Variants in BCAT1 observed in about 807,000 individuals in gnomAD.
BCAT1 encodes branched-chain-amino-acid aminotransferase, cytosolic.
Under a neutral mutation model 52.4 loss-of-function variants are expected in BCAT1, and 48 were observed. The ratio of observed to expected loss-of-function variants is 0.92; its 90% CI spans 0.73 to 1.16. The LOEUF (loss-of-function observed/expected upper bound fraction) is 1.16, where lower values mean the gene tolerates loss of function less well. Among genes scored for constraint, BCAT1 ranks in the 50% most tolerant of loss-of-function variants. BCAT1 has a pLI of 0.00. For missense variants in BCAT1, 451 were observed against 457.1 expected (o/e 0.99, Z 0.12); for synonymous variants, 167 against 161.3 (o/e 1.04, Z -0.27).
chr12:24,912,699 T>TAAAAAAAAAA (rs10531528), intron 1 of BCAT1, among the ~76,000 whole-genome samples: 1 of 135,498 alleles, frequency 7.4e-6, no homozygotes. Context: ...ACCCCATCTC[T>TAAAAAAAAAA]AAAAAAAAAA....
intron 1 of BCAT1, among the ~76,000 whole-genome samples, chr12:24,944,010 T>C (rs1943898098): frequency 6.6e-6 from 1 of 151,706 alleles, no homozygotes; most frequent in South Asian, 2.1e-4. Context: ...AAAAGTAGTT[T>C]GCATGGCATT....
At chr12:24,898,367 A>C (rs1230010761) in intron 2 of BCAT1, among the ~76,000 whole-genome samples, 1 of 152,276 alleles carries the variant, frequency 6.6e-6, no homozygotes, top group African/African-American at 2.4e-5. Flanking sequence ...ATGGCAAGAA[A>C]TATTGAGAAA....
chr12:24,868,475 G>C (rs1814967504), intron 5 of BCAT1, among the ~76,000 whole-genome samples: 2 of 152,140 alleles, frequency 1.3e-5, no homozygotes, highest in Non-Finnish European at 2.9e-5. Flanking sequence ...TACAGATAGA[G>C]AGCCCCAAAA....
intron 10 of BCAT1, among the ~76,000 whole-genome samples, chr12:24,823,415 C>A (rs1419955155): frequency 6.6e-6 from 1 of 152,072 alleles, no homozygotes; most frequent in African/African-American, 2.4e-5. Context: ...GAGTAAACCA[C>A]CAGTACCTAG....
upstream of BCAT1, chr12:24,949,103 G>T: frequency 1.6e-6 from 1 of 620,654 alleles, no homozygotes; most frequent in South Asian, 2.1e-5. Context: ...CTGGATTGCA[G>T]ACCGGCCCTC....
chr12:24,881,696 T>C (rs765231324), intron 3 of BCAT1, among the ~76,000 whole-genome samples: 5 of 152,160 alleles, frequency 3.3e-5, no homozygotes, highest in Admixed American at 2.6e-4. Context: ...TAGGTGTTAT[T>C]TAAGGGAGCA....
chr12:24,840,206 T>G (rs2139426597), intron 7 of BCAT1, among the ~76,000 whole-genome samples: 3 of 152,352 alleles, frequency 2.0e-5, no homozygotes, highest in African/African-American at 7.2e-5. Flanking sequence ...GTGTTTCTGG[T>G]TAAATCATGT....
At chr12:24,900,953 A>G (rs1192974574) in intron 2 of BCAT1, among the ~76,000 whole-genome samples, 1 of 152,264 alleles carries the variant, frequency 6.6e-6, no homozygotes, top group Non-Finnish European at 1.5e-5. Flanking sequence ...AGAAATTGCA[A>G]TATTCTAATT....
At chr12:24,844,147 GC>G (rs755165201) in intron 6 of BCAT1, among the ~76,000 whole-genome samples, 1 of 152,216 alleles carries the variant, frequency 6.6e-6, no homozygotes, top group African/African-American at 2.4e-5. Flanking sequence ...TCATTTCCAG[GC>G]CGGGCACGGT....
At chr12:24,907,750 A>G (rs1252702907) in intron 1 of BCAT1, among the ~76,000 whole-genome samples, 1 of 152,150 alleles carries the variant, frequency 6.6e-6, no homozygotes, top group Non-Finnish European at 1.5e-5. Context: ...TGTACTTTGT[A>G]AGATCCATCC....
intron 1 of BCAT1, among the ~76,000 whole-genome samples, chr12:24,930,376 G>A (rs1004560772): frequency 5.9e-5 from 9 of 152,160 alleles, no homozygotes; most frequent in African/African-American, 2.2e-4. Flanking sequence ...TTTCCTCAGA[G>A]TTCACATAGT....
chr12:24,902,121 C>G, intron 1 of BCAT1: 1 of 1,461,796 alleles, frequency 6.8e-7, no homozygotes, highest in Non-Finnish European at 9.0e-7. Flanking sequence ...TCCTCCTCCG[C>G]CGGCTCAGGG....
chr12:24,851,982 G>T (rs1354696446), intron 5 of BCAT1, among the ~76,000 whole-genome samples: 1 of 152,096 alleles, frequency 6.6e-6, no homozygotes, highest in African/African-American at 2.4e-5. Flanking sequence ...TCAAATTGGA[G>T]GAGGGGCCCA....
intron 10 of BCAT1, among the ~76,000 whole-genome samples, chr12:24,819,633 C>T (rs1221689876): frequency 6.6e-6 from 1 of 152,130 alleles, no homozygotes; most frequent in Non-Finnish European, 1.5e-5. Context: ...CAGTTCTCTG[C>T]CTCTGTCTGA....
At chr12:24,907,488 A>G (rs1246145355) in intron 1 of BCAT1, among the ~76,000 whole-genome samples, 1 of 152,218 alleles carries the variant, frequency 6.6e-6, no homozygotes, top group Non-Finnish European at 1.5e-5. Flanking sequence ...GATCAACAAA[A>G]GTGAAAATAG....
chr12:24,937,483 A>G (rs11615930), intron 1 of BCAT1, among the ~76,000 whole-genome samples: 46,281 of 151,748 alleles, frequency 0.3, 8,239 homozygotes, highest in Middle Eastern at 0.52. Context: ...TTTTTTGCTT[A>G]ATAAAAAATT....
At chr12:24,822,049 G>GCC (rs1940160411) in intron 10 of BCAT1, among the ~76,000 whole-genome samples, 1 of 152,166 alleles carries the variant, frequency 6.6e-6, no homozygotes. Context: ...ATGATGGTGA[G>GCC]TAACTGGAAC....
intron 1 of BCAT1, among the ~76,000 whole-genome samples, chr12:24,915,927 G>A (rs1943400312): frequency 6.6e-6 from 1 of 152,218 alleles, no homozygotes; most frequent in African/African-American, 2.4e-5. Flanking sequence ...GGAGGCTGAG[G>A]TGGGTGGATC....
At chr12:24,853,731 A>T (rs6487431) in intron 5 of BCAT1, among the ~76,000 whole-genome samples, 2 of 152,130 alleles carry the variant, frequency 1.3e-5, no homozygotes, top group African/African-American at 4.8e-5. Context: ...CAAAAGCCAC[A>T]TAAATAATGA....
Sources: gnomAD v4.1 joint callset for allele counts (sites outside exome capture counted in the v4.1 genomes callset) on GRCh38, gnomAD v4.1.1 for gene constraint, MANE v1.5 for transcripts, NCBI Gene and HGNC (gene_info 2026-07-23, HGNC 2026-07-21) for gene names.